PCNX1: variants seen among roughly 807,000 people sequenced by gnomAD.
The protein encoded by PCNX1 is pecanex-like protein 1.
PCNX1 carries 78 observed loss-of-function variants against 242.2 expected under a neutral mutation model. The ratio of observed to expected loss-of-function variants is 0.32; its 90% CI spans 0.27 to 0.39. The LOEUF is 0.39. Ranked by LOEUF, PCNX1 falls within the 10% of genes least tolerant of loss-of-function variation. PCNX1 has a pLI of 1.00. For synonymous variants in PCNX1, 1,024 were observed against 1,032.9 expected, an observed-to-expected ratio of 0.99 and a Z score of 0.17; for missense variants, 2,581 against 2,856.5, an observed-to-expected ratio of 0.90 and a Z score of 2.20.
At chr14:70,972,487 A>G (rs1183196971) in intron 5 of PCNX1, among the ~76,000 whole-genome samples, 4 of 152,068 alleles carry the variant, frequency 2.6e-5, no homozygotes, top group African/African-American at 9.7e-5. Context: ...GGGCAAGCAT[A>G]CTTGTTAGCT....
chr14:70,959,246 T>C (rs1224763140), intron 2 of PCNX1, among the ~76,000 whole-genome samples: 1 of 150,878 alleles, frequency 6.6e-6, no homozygotes, highest in Non-Finnish European at 1.5e-5. Context: ...ATTATTATTA[T>C]ACTTTAAGTT....
chr14:71,097,455 G>T (rs1312191716), intron 30 of PCNX1, among the ~76,000 whole-genome samples: 1 of 152,122 alleles, frequency 6.6e-6, no homozygotes, highest in African/African-American at 2.4e-5. Context: ...CCTCAGCTTT[G>T]CCAGCATCTC....
At chr14:71,060,671 T>G (rs1272913370) in intron 26 of PCNX1, 2 of 152,168 alleles carry the variant, frequency 1.3e-5, no homozygotes, top group African/African-American at 4.8e-5. Context: ...ACCATAGCTG[T>G]GATCTTGAAG....
chr14:71,014,885 A>C (rs1402403083), intron 11 of PCNX1, among the ~76,000 whole-genome samples: 1 of 152,160 alleles, frequency 6.6e-6, no homozygotes, highest in Non-Finnish European at 1.5e-5. Flanking sequence ...AGTGAACCTC[A>C]AGCATAAAAT....
intron 28 of PCNX1, among the ~76,000 whole-genome samples, chr14:71,076,962 G>A (rs150015070): frequency 6.6e-6 from 1 of 152,318 alleles, no homozygotes; most frequent in Admixed American, 6.5e-5. Flanking sequence ...CATATAGCTA[G>A]TGACTACCAT....
chr14:70,969,177 C>A, intron 5 of PCNX1, 67 bp downstream of exon 5: 1 of 889,306 alleles, frequency 1.1e-6, no homozygotes, highest in South Asian at 1.4e-5. Flanking sequence ...GTAGAATATG[C>A]TGCATACAAT....
At chr14:71,087,917 G>A (rs2062033886) in intron 28 of PCNX1, among the ~76,000 whole-genome samples, 3 of 151,958 alleles carry the variant, frequency 2.0e-5, no homozygotes, top group Admixed American at 1.3e-4. Context: ...TAACTCACCT[G>A]CCACTGATAG....
At chr14:71,017,702 T>A (rs2059995889) in intron 11 of PCNX1, among the ~76,000 whole-genome samples, 1 of 152,168 alleles carries the variant, frequency 6.6e-6, no homozygotes, top group African/African-American at 2.4e-5. Context: ...ACATGTTCAA[T>A]GACAAGGGAG....
intron 9 of PCNX1, chr14:71,009,942 C>A (rs536851047): frequency 3.2e-5 from 12 of 376,088 alleles, no homozygotes; most frequent in Non-Finnish European, 5.2e-5. Flanking sequence ...TGTATTATCT[C>A]ACATACTTAT....
chr14:71,062,319 C>A (rs1406965791), intron 26 of PCNX1, among the ~76,000 whole-genome samples: 2 of 151,976 alleles, frequency 1.3e-5, no homozygotes, highest in Admixed American at 6.6e-5. Flanking sequence ...ATATTGATGA[C>A]CCTGAGCCTG....
chr14:71,025,308 T>C (rs574894272), intron 13 of PCNX1, among the ~76,000 whole-genome samples: 191 of 152,304 alleles, frequency 1.3e-3, no homozygotes, highest in Non-Finnish European at 2.3e-3. Flanking sequence ...TTCTGTGTCC[T>C]TTTGACATAT....
intron 1 of PCNX1, among the ~76,000 whole-genome samples, chr14:70,939,060 T>A (rs924506753): frequency 2.0e-5 from 3 of 152,224 alleles, no homozygotes; most frequent in Admixed American, 2.0e-4. Context: ...ATCAATTTTG[T>A]TGATCTTTTC....
At chr14:71,061,073 A>T (rs760540862) in intron 26 of PCNX1, among the ~76,000 whole-genome samples, 9 of 152,240 alleles carry the variant, frequency 5.9e-5, no homozygotes, top group Middle Eastern at 3.2e-3. Context: ...TTCAGTATAG[A>T]TGAAAGCTTG....
At chr14:70,968,311 A>G (rs2058441807) in intron 4 of PCNX1, 68 bp downstream of exon 4, 1 of 885,332 alleles carries the variant, frequency 1.1e-6, no homozygotes, top group South Asian at 1.6e-5. Context: ...TGAAGATAAC[A>G]GTACTGTACA....
At chr14:71,000,401 G>GTAT (rs2059468558) in intron 8 of PCNX1, among the ~76,000 whole-genome samples, 1 of 151,876 alleles carries the variant, frequency 6.6e-6, no homozygotes, top group Non-Finnish European at 1.5e-5. Flanking sequence ...ATGTACATGT[G>GTAT]TATATGCACT....
chr14:70,975,085 TA>T (rs924551717), intron 5 of PCNX1, among the ~76,000 whole-genome samples: 3 of 152,152 alleles, frequency 2.0e-5, no homozygotes, highest in African/African-American at 7.2e-5. Context: ...TCATTAGCAT[TA>T]AAAAAACCTT....
At chr14:70,968,764 ATAGTTTTAT>A (rs1416754099) in intron 4 of PCNX1, among the ~76,000 whole-genome samples, 3 of 152,200 alleles carry the variant, frequency 2.0e-5, no homozygotes, top group Non-Finnish European at 4.4e-5. Context: ...TTTTAAAGAA[ATAGTTTTAT>A]TAGTTTACAT....
intron 16 of PCNX1, among the ~76,000 whole-genome samples, chr14:71,031,436 G>A (rs1357543580): frequency 6.6e-6 from 1 of 152,158 alleles, no homozygotes; most frequent in Non-Finnish European, 1.5e-5. Context: ...CTGAAAACAA[G>A]GTCCAGAAGC....
At chr14:71,064,006 A>G (rs543554627) in intron 26 of PCNX1, among the ~76,000 whole-genome samples, 1 of 152,128 alleles carries the variant, frequency 6.6e-6, no homozygotes, top group Non-Finnish European at 1.5e-5. Context: ...TTAGAAGTCA[A>G]ACTTTACACA....
Sources: gnomAD v4.1 joint callset for allele counts (sites outside exome capture counted in the v4.1 genomes callset) on GRCh38, gnomAD v4.1.1 for gene constraint, MANE v1.5 for transcripts, NCBI Gene and HGNC (gene_info 2026-07-23, HGNC 2026-07-21) for gene names.